The following IGF2BP3 variants were observed in gnomAD, a reference collection of about 807,000 sequenced individuals.
IGF2BP3 encodes insulin-like growth factor 2 mRNA-binding protein 3.
A neutral mutation model predicts 73.8 loss-of-function variants in IGF2BP3; 9 were observed. The observed-to-expected ratio is 0.12, with a 90% CI of 0.07 to 0.21. The LOEUF (loss-of-function observed/expected upper bound fraction) is 0.21. Ranked by LOEUF, IGF2BP3 falls within the 10% of genes least tolerant of loss-of-function variation. The pLI, the probability that IGF2BP3 is intolerant of heterozygous loss-of-function variation, is 1.00. For missense variants in IGF2BP3, 542 were observed against 714.0 expected (o/e 0.76, Z 2.75); for synonymous variants, 258 against 256.7 (o/e 1.01, Z -0.05).
intron 2 of IGF2BP3, among the ~76,000 whole-genome samples, chr7:23,452,529 C>A (rs774261585): frequency 1.3e-5 from 2 of 152,102 alleles, no homozygotes; most frequent in Admixed American, 1.3e-4. Flanking sequence ...TTCCCCCAGG[C>A]GTGGTGGCTC....
At chr7:23,340,043 T>C (rs1471248222) in intron 10 of IGF2BP3, among the ~76,000 whole-genome samples, 1 of 152,184 alleles carries the variant, frequency 6.6e-6, no homozygotes, top group Admixed American at 6.5e-5. Context: ...GTTTTTTTTA[T>C]TATACAGGTG....
At chr7:23,419,441 T>C (rs1412347097) in intron 2 of IGF2BP3, among the ~76,000 whole-genome samples, 1 of 152,256 alleles carries the variant, frequency 6.6e-6, no homozygotes, top group Non-Finnish European at 1.5e-5. Context: ...AACTTAGATG[T>C]GTTGCTAGAA....
At chr7:23,320,038 G>A (rs991810318) in intron 10 of IGF2BP3, among the ~76,000 whole-genome samples, 2 of 151,902 alleles carry the variant, frequency 1.3e-5, no homozygotes, top group African/African-American at 2.4e-5. Context: ...AGCTTCCCAA[G>A]GAGCTGAGAT....
In IGF2BP3 at chr7:23,351,256, T is replaced by C. The variant is rs761329106; in HGVS notation, c.683+49A>G. 2.5e-6 allele frequency: 4 copies of C among 1,600,408 alleles called. No homozygotes were observed. The Admixed American group carries it at 6.8e-5, about 27-fold the overall frequency. On this transcript the variant is annotated intron_variant, in intron 6 of 14. Coordinates refer to ENST00000258729, the MANE Select transcript of IGF2BP3 (RefSeq NM_006547.3). ...CCAGAACGACACACTGTTACTAAGA[T>C]TCCAAGGGGAATTCTCATGAACACC...
chr7:23,338,767 A>G (rs1784636861), intron 10 of IGF2BP3, among the ~76,000 whole-genome samples: 1 of 152,108 alleles, frequency 6.6e-6, no homozygotes, highest in Admixed American at 6.5e-5. Flanking sequence ...TGGGAAAAAC[A>G]TTTTTTTCCC....
intron 3 of IGF2BP3, chr7:23,402,533 A>C (rs893572916): frequency 2.6e-4 from 40 of 152,192 alleles, no homozygotes; most frequent in Non-Finnish European, 4.0e-4. Flanking sequence ...GAAGAGGGGA[A>C]CTTACACCTT....
intron 2 of IGF2BP3, among the ~76,000 whole-genome samples, chr7:23,443,792 G>A (rs762064354): frequency 2.0e-5 from 3 of 151,470 alleles, no homozygotes; most frequent in East Asian, 1.9e-4. Context: ...GGTGGATCAC[G>A]AGGTCAGGAG....
intron 3 of IGF2BP3, 96 bp from the exon 4 acceptor site, chr7:23,361,837 G>A: frequency 9.4e-7 from 1 of 1,061,980 alleles, no homozygotes; most frequent in Admixed American, 2.6e-5. Context: ...AATTGTGATG[G>A]AAAAGAGCCA....
chr7:23,317,815 A>C, intron 11 of IGF2BP3, 102 bp from the exon 12 acceptor site: 1 of 937,216 alleles, frequency 1.1e-6, no homozygotes, highest in Non-Finnish European at 1.7e-6. Context: ...TGAAATGCAG[A>C]ATTAAAGCCT....
At chr7:23,444,597 G>A (rs1287388733) in intron 2 of IGF2BP3, among the ~76,000 whole-genome samples, 1 of 151,908 alleles carries the variant, frequency 6.6e-6, no homozygotes, top group Non-Finnish European at 1.5e-5. Context: ...ACGAAAATTA[G>A]CTGAGCATGG....
In IGF2BP3 at chr7:23,361,481, T is replaced by C. The variant is rs989158015; in HGVS notation, c.401+53A>G. On this transcript the variant is annotated intron_variant, in intron 5 of 14. Transcript: ENST00000258729. ...CAGTTGAGAAATCCGCAAAATATGT[T>C]ACTGTACTTAACTTAGTTATTATAT... is the stretch of plus-strand genomic sequence containing the variant. 23 of 1,452,494 alleles carry C rather than the reference T, an allele frequency of 1.6e-5. No individual in the cohort carries two copies. The Admixed American group carries it at 3.9e-4, about 25-fold the overall frequency. 90.0% of individuals were successfully genotyped at this position (1,452,494 alleles called of 1,614,324 possible).
At chr7:23,431,274 T>A (rs1787669104) in intron 2 of IGF2BP3, 1 of 152,216 alleles carries the variant, frequency 6.6e-6, no homozygotes, top group East Asian at 1.9e-4. Context: ...AATAAGCTAT[T>A]GTTTCTAGCC....
intron 10 of IGF2BP3, among the ~76,000 whole-genome samples, chr7:23,331,995 AGAGT>A (rs1784457990): frequency 1.3e-5 from 2 of 152,126 alleles, no homozygotes; most frequent in African/African-American, 4.8e-5. Context: ...GGAGAGAGAG[AGAGT>A]AAGGGATGGG....
At chr7:23,374,757 G>A (rs192912366) in intron 3 of IGF2BP3, among the ~76,000 whole-genome samples, 31 of 152,218 alleles carry the variant, frequency 2.0e-4, no homozygotes, top group Middle Eastern at 6.8e-3. Context: ...ATTCACCCCC[G>A]ATATTTCACA....
At chr7:23,453,486 T>C (rs1371143991) in intron 2 of IGF2BP3, among the ~76,000 whole-genome samples, 4 of 152,230 alleles carry the variant, frequency 2.6e-5, no homozygotes, top group Admixed American at 6.5e-5. Flanking sequence ...TCCCACCTAC[T>C]AGAGACCCTT....
At chr7:23,431,955 G>T (rs1787693464) in intron 2 of IGF2BP3, among the ~76,000 whole-genome samples, 2 of 152,122 alleles carry the variant, frequency 1.3e-5, no homozygotes, top group South Asian at 4.1e-4. Context: ...TTAACAGATT[G>T]CTTAGCTCAT....
At chr7:23,388,216 C>G (rs1313508343) in intron 3 of IGF2BP3, among the ~76,000 whole-genome samples, 1 of 152,152 alleles carries the variant, frequency 6.6e-6, no homozygotes, top group South Asian at 2.1e-4. Context: ...GGATTACAGG[C>G]TTGAGCCACT....
chr7:23,397,351 T>TGACA (rs1262931128), intron 3 of IGF2BP3, among the ~76,000 whole-genome samples: 2 of 152,012 alleles, frequency 1.3e-5, no homozygotes, highest in Non-Finnish European at 2.9e-5. Context: ...TCAGGGAGGG[T>TGACA]GACAGAATGG....
chr7:23,451,714 C>T (rs900224852), intron 2 of IGF2BP3, among the ~76,000 whole-genome samples: 14 of 151,960 alleles, frequency 9.2e-5, no homozygotes, highest in South Asian at 2.1e-4. Context: ...CTTGGGAGGC[C>T]GAGGCAAGCA....
Sources: allele counts gnomAD v4.1 joint callset (sites outside exome capture counted in the v4.1 genomes callset), GRCh38; gene constraint gnomAD v4.1.1; transcripts MANE v1.5; gene names NCBI Gene and HGNC (gene_info 2026-07-23, HGNC 2026-07-21).